Variants in DNAJC6 observed in about 807,000 individuals in gnomAD.
DNAJC6 encodes the protein DnaJ heat shock protein family (Hsp40) member C6.
In DNAJC6, 34 loss-of-function variants were observed where a neutral mutation model predicts 110.0. That is an observed-to-expected ratio of 0.31 (90% confidence interval 0.24 to 0.41). The LOEUF is 0.41. Ranked by LOEUF, DNAJC6 falls within the 10% of genes least tolerant of loss-of-function variation. The pLI, the probability that DNAJC6 is intolerant of heterozygous loss-of-function variation, is 1.00. For missense variants in DNAJC6, 1,031 were observed against 1,207.8 expected, an observed-to-expected ratio of 0.85 and a Z score of 2.17; for synonymous variants, 406 against 437.2, an observed-to-expected ratio of 0.93 and a Z score of 0.89.
chr1:65,365,446 A>G (rs997678060), intron 2 of DNAJC6, among the ~76,000 whole-genome samples: 2 of 152,226 alleles, frequency 1.3e-5, no homozygotes, highest in Admixed American at 6.5e-5. Context: ...TTGTTCAAAG[A>G]TAAAACTATT....
chr1:65,339,894 T>C (rs1645373118), intron 1 of DNAJC6, among the ~76,000 whole-genome samples: 1 of 152,190 alleles, frequency 6.6e-6, no homozygotes, highest in South Asian at 2.1e-4. Context: ...AATGTCACCA[T>C]TAGTGGCAGC....
chr1:65,379,322 A>C, intron 4 of DNAJC6, 80 bp from the exon 5 acceptor site: 1 of 1,553,526 alleles, frequency 6.4e-7, no homozygotes, highest in Non-Finnish European at 8.8e-7. Flanking sequence ...CACTTCCAGA[A>C]GATGTTGGTT....
At chr1:65,306,076 AT>A (rs35897124), upstream of DNAJC6, among the ~76,000 whole-genome samples, 4,720 of 135,198 alleles carry the variant, frequency 0.035, 233 homozygotes, top group African/African-American at 0.12. Flanking sequence ...GGCAACTTCA[AT>A]TTTTTTTTTT....
At chr1:65,349,189 C>A (rs1645468241) in intron 1 of DNAJC6, among the ~76,000 whole-genome samples, 1 of 148,086 alleles carries the variant, frequency 6.8e-6, no homozygotes, top group Non-Finnish European at 1.5e-5. Context: ...AATATTTATT[C>A]TTCACTTATC....
intron 1 of DNAJC6, among the ~76,000 whole-genome samples, chr1:65,335,251 G>T (rs1255318002): frequency 6.6e-6 from 1 of 151,118 alleles, no homozygotes; most frequent in Non-Finnish European, 1.5e-5. Context: ...GGGACTACAG[G>T]CGCACACCAC....
rs906548572 is a variant in DNAJC6 at position 65,309,947 on chromosome 1, G to T, written c.193+9G>T. On this transcript the variant is annotated intron_variant, in intron 1 of 18. Transcript: ENST00000371069. ...CACCATGGACAGCTCAGGTAGCGCT[G>T]CCCGAGGGGAGTGCAGCGCTGAGCC... 4 of 1,441,170 alleles carry T rather than the reference G, an allele frequency of 2.8e-6. No individual in the cohort carries two copies. In the Admixed American group the frequency reaches 1.1e-4, roughly 40 times the overall value. 89.3% of individuals were successfully genotyped at this position (1,441,170 alleles called of 1,614,324 possible).
At chr1:65,354,656 T>A (rs1310097726) in intron 1 of DNAJC6, among the ~76,000 whole-genome samples, 1 of 152,154 alleles carries the variant, frequency 6.6e-6, no homozygotes, top group Non-Finnish European at 1.5e-5. Context: ...GAAAAGTGAG[T>A]GTGGACGTAC....
intron 13 of DNAJC6, among the ~76,000 whole-genome samples, chr1:65,395,738 G>A (rs892643144): frequency 6.6e-6 from 1 of 152,072 alleles, no homozygotes; most frequent in African/African-American, 2.4e-5. Context: ...AAATGTGACT[G>A]CTAGGAAATA....
At chr1:65,396,138 T>G (rs1276587995) in intron 13 of DNAJC6, among the ~76,000 whole-genome samples, 5 of 152,164 alleles carry the variant, frequency 3.3e-5, no homozygotes, top group Non-Finnish European at 7.3e-5. Flanking sequence ...CATTTCCAAC[T>G]AGTCTTTAAT....
chr1:65,317,108 G>A (rs1204708867), intron 1 of DNAJC6, among the ~76,000 whole-genome samples: 1 of 152,120 alleles, frequency 6.6e-6, no homozygotes, highest in Non-Finnish European at 1.5e-5. Flanking sequence ...GTCTGCAGTT[G>A]TATATAAGCT....
At chr1:65,346,516 C>G (rs1645438298) in intron 1 of DNAJC6, among the ~76,000 whole-genome samples, 1 of 152,156 alleles carries the variant, frequency 6.6e-6, no homozygotes, top group African/African-American at 2.4e-5. Context: ...CCATCCCTCT[C>G]TAACACACCC....
At chr1:65,314,358 G>A (rs139184862) in intron 1 of DNAJC6, among the ~76,000 whole-genome samples, 3 of 152,230 alleles carry the variant, frequency 2.0e-5, no homozygotes, top group African/African-American at 4.8e-5. Flanking sequence ...TATGAGATAC[G>A]TGTTTGGATA....
At chr1:65,377,276 A>T (rs771650549) in intron 4 of DNAJC6, among the ~76,000 whole-genome samples, 1 of 152,262 alleles carries the variant, frequency 6.6e-6, no homozygotes, top group Non-Finnish European at 1.5e-5. Context: ...GACAGAAAGG[A>T]GCTTGTACAA....
At chr1:65,385,181 G>A (rs757398983) in intron 6 of DNAJC6, among the ~76,000 whole-genome samples, 11 of 152,076 alleles carry the variant, frequency 7.2e-5, no homozygotes, top group Non-Finnish European at 1.0e-4. Flanking sequence ...AGAATAAAGC[G>A]TTTTAAAATT....
At chr1:65,295,073 G>C (rs563122420) in intron 1 of DNAJC6, among the ~76,000 whole-genome samples, 87 of 152,328 alleles carry the variant, frequency 5.7e-4, no homozygotes, top group Non-Finnish European at 1.1e-3. Flanking sequence ...AATAACTTCA[G>C]TGTATTGAGC....
At chr1:65,369,213 TG>T (rs1645682234) in intron 4 of DNAJC6, among the ~76,000 whole-genome samples, 2 of 152,322 alleles carry the variant, frequency 1.3e-5, no homozygotes, top group South Asian at 2.1e-4. Context: ...AGAATGCAAG[TG>T]GATCCTCTGA....
intron 15 of DNAJC6, among the ~76,000 whole-genome samples, chr1:65,404,433 C>T (rs1488046572): frequency 6.6e-6 from 1 of 152,090 alleles, no homozygotes; most frequent in Non-Finnish European, 1.5e-5. Flanking sequence ...GTTTTTTTTA[C>T]CCAGCTTTAG....
rs1352486654 is a variant in DNAJC6 at position 65,405,854 on chromosome 1, C to A, written c.2228-16C>A. 6.3e-7 allele frequency: 1 copy of A among 1,575,222 alleles called. No homozygotes were observed. ...CTCAAAATAGTTTTACCTTCTTTAT[C>A]TCTTTTTTTCTTTAGGTAGTTCTTC... On this transcript the variant is annotated splice_polypyrimidine_tract_variant and intron_variant, in intron 15 of 18. Coordinates refer to ENST00000371069, the MANE Select transcript of DNAJC6 (RefSeq NM_001256864.2).
Position 65,318,553 on chromosome 1 carries a change from G to A in DNAJC6, c.193+8615G>A, listed in dbSNP as rs146248048. 6.2e-3 allele frequency among the ~76,000 whole-genome samples: 941 copies of A among 152,260 alleles called. 9 individuals carry two copies. The highest frequency in any genetic ancestry group is 0.02 in the African/African-American group (848 of 41,544). On this transcript the variant is annotated intron_variant, in intron 1 of 18. Coordinates refer to ENST00000371069, the MANE Select transcript of DNAJC6 (RefSeq NM_001256864.2). ...AGGAATGAGATCATGACCTTTGCAG[G>A]GACATGGATGGAGCTGGAAGCTGTT...
Sources: gnomAD v4.1 joint callset for allele counts (sites outside exome capture counted in the v4.1 genomes callset) on GRCh38, gnomAD v4.1.1 for gene constraint, MANE v1.5 for transcripts, NCBI Gene and HGNC (gene_info 2026-07-23, HGNC 2026-07-21) for gene names.